RNF150: variants seen among roughly 807,000 people sequenced by gnomAD.
The protein encoded by RNF150 is ring finger protein 150.
A neutral mutation model predicts 39.3 loss-of-function variants in RNF150; 24 were observed. The ratio of observed to expected loss-of-function variants is 0.61; its 90% CI spans 0.44 to 0.86. RNF150 has a LOEUF of 0.86. Ranked by LOEUF, RNF150 falls within the 40% of genes least tolerant of loss-of-function variation. The pLI is 0.00. For missense variants in RNF150, 502 were observed against 587.8 expected, an observed-to-expected ratio of 0.85 and a Z score of 1.51; for synonymous variants, 255 against 227.3, an observed-to-expected ratio of 1.12 and a Z score of -1.10.
intron 5 of RNF150, among the ~76,000 whole-genome samples, chr4:140,921,227 T>G (rs1731123958): frequency 1.3e-5 from 2 of 151,364 alleles, no homozygotes; most frequent in African/African-American, 4.9e-5. Flanking sequence ...CTAGCAAGAC[T>G]AATAAAGAAG....
chr4:141,120,306 C>T (rs967475214), intron 1 of RNF150, among the ~76,000 whole-genome samples: 1 of 151,958 alleles, frequency 6.6e-6, no homozygotes, highest in African/African-American at 2.4e-5. Context: ...GGGTAAAGGG[C>T]GATGATGACA....
chr4:140,995,501 C>T (rs954533990), intron 1 of RNF150, among the ~76,000 whole-genome samples: 1 of 152,156 alleles, frequency 6.6e-6, no homozygotes, highest in African/African-American at 2.4e-5. Flanking sequence ...TAGAAAGCGG[C>T]AGTAAATTCT....
intron 1 of RNF150, among the ~76,000 whole-genome samples, chr4:140,968,949 C>A (rs1032097862): frequency 6.6e-6 from 1 of 151,916 alleles, no homozygotes; most frequent in African/African-American, 2.4e-5. Flanking sequence ...GGCACAGAGG[C>A]CTCGCATCCA....
At chr4:141,085,353 GAT>G (rs1738322742) in intron 1 of RNF150, among the ~76,000 whole-genome samples, 2 of 152,186 alleles carry the variant, frequency 1.3e-5, no homozygotes, top group Non-Finnish European at 2.9e-5. Flanking sequence ...TTCAAGATGA[GAT>G]TTGGGTGGGG....
intron 1 of RNF150, among the ~76,000 whole-genome samples, chr4:141,202,243 G>C (rs1728302476): frequency 6.6e-6 from 1 of 152,070 alleles, no homozygotes; most frequent in South Asian, 2.1e-4. Flanking sequence ...AATGTTCCCT[G>C]TCTGGCTCAT....
rs529191961 is a variant in RNF150 at position 140,916,414 on chromosome 4, C to G, written c.988-5060G>C. On this transcript the variant is annotated intron_variant, in intron 5 of 6. Coordinates refer to ENST00000515673, the MANE Select transcript of RNF150 (RefSeq NM_020724.2). ...GTGACGAATGCACAAGCCTCAGTAA[C>G]CGATGTGATCAACTGGAAGAAAGGG... Among the ~76,000 whole-genome samples, 23 of 152,258 alleles carry G rather than the reference C, an allele frequency of 1.5e-4. No individual in the cohort carries two copies. The South Asian group carries it at 4.8e-3, about 32-fold the overall frequency.
intron 2 of RNF150, among the ~76,000 whole-genome samples, chr4:140,953,969 C>T (rs564036222): frequency 1.3e-5 from 2 of 152,236 alleles, no homozygotes; most frequent in East Asian, 3.9e-4. Context: ...GTCTTGTACC[C>T]AACCTGAATA....
chr4:141,045,589 G>C (rs536091878), intron 1 of RNF150, among the ~76,000 whole-genome samples: 2 of 151,956 alleles, frequency 1.3e-5, no homozygotes, highest in East Asian at 3.9e-4. Context: ...TGTTGCCCAG[G>C]CTGGAATGCA....
rs905014511 is a variant in RNF150, at chr4:141,008,397, C to A, written c.485-40524G>T. 2.6e-5 allele frequency among the ~76,000 whole-genome samples: 4 copies of A among 152,174 alleles called. No homozygotes were observed. The East Asian group carries it at 7.7e-4, about 29-fold the overall frequency. ...TGTCTTTTCACTCTCTTAATGGAGT[C>A]TTTGAATGAACATTTTCAATTTAAT... is the stretch of plus-strand genomic sequence containing the variant. On this transcript the variant is annotated intron_variant, in intron 1 of 6. Coordinates refer to ENST00000515673, the MANE Select transcript of RNF150 (RefSeq NM_020724.2).
chr4:141,016,486 C>T (rs1279228956), intron 1 of RNF150, among the ~76,000 whole-genome samples: 1 of 152,224 alleles, frequency 6.6e-6, no homozygotes, highest in Non-Finnish European at 1.5e-5. Flanking sequence ...AGCTGCTGCT[C>T]TCAGCACACT....
At position 141,063,090 on chromosome 4, in the gene RNF150, T is replaced by G. The variant is rs568938976; in HGVS notation, c.484+69235A>C. ...CTATGCATTGTTTAGATAGATGAGA[T>G]TCTACTTTGTAGACGATTTTGTATT... is the stretch of plus-strand genomic sequence containing the variant. On this transcript the variant is annotated intron_variant, in intron 1 of 6. Transcript: ENST00000515673. 2.0e-5 allele frequency among the ~76,000 whole-genome samples: 3 copies of G among 152,368 alleles called. 1 individual carries two copies. The South Asian group carries it at 6.2e-4, about 32-fold the overall frequency.
intron 1 of RNF150, among the ~76,000 whole-genome samples, chr4:141,168,840 T>G (rs1357468808): frequency 6.6e-6 from 1 of 152,148 alleles, no homozygotes; most frequent in African/African-American, 2.4e-5. Context: ...AAATACCTAA[T>G]GTAGATGATG....
At chr4:141,044,960 A>G (rs1420987445) in intron 1 of RNF150, among the ~76,000 whole-genome samples, 1 of 152,206 alleles carries the variant, frequency 6.6e-6, no homozygotes, top group African/African-American at 2.4e-5. Context: ...AGTATTTACC[A>G]TGTGCCAAGG....
At position 140,860,114 on chromosome 4, in the gene RNF150, C is replaced by G. The variant is rs967677608; in HGVS notation, c.*8147G>C. ...AAAGTCTGTGTCTCCTAATAGAAGA[C>G]AAATTCCTTTAAAGACAGTTACTTT... On this transcript the variant is annotated 3_prime_UTR_variant, in exon 7 of 7. Transcript: ENST00000515673. 3.4e-5 allele frequency: 5 copies of G among 147,728 alleles called. No individual in the cohort carries two copies. The highest frequency in any genetic ancestry group is 7.5e-5 in the African/African-American group (3 of 39,980). 9.2% of individuals were successfully genotyped at this position (147,728 alleles called of 1,614,324 possible).
chr4:140,949,600 A>G (rs1732463312), intron 2 of RNF150, among the ~76,000 whole-genome samples: 2 of 152,084 alleles, frequency 1.3e-5, no homozygotes, highest in South Asian at 4.1e-4. Flanking sequence ...TCATGCCTAG[A>G]GTTAAGCAAG....
At chr4:140,909,679 C>T (rs717818) in intron 6 of RNF150, among the ~76,000 whole-genome samples, 58,228 of 151,832 alleles carry the variant, frequency 0.38, 11,728 homozygotes, top group East Asian at 0.64. Context: ...AAATTACATG[C>T]ATGACTTGCA....
intron 1 of RNF150, among the ~76,000 whole-genome samples, chr4:141,184,867 C>CTGTGTGTGTG (rs61134992): frequency 0.01 from 1,486 of 148,080 alleles, 25 homozygotes; most frequent in Middle Eastern, 0.052. Flanking sequence ...GTCTATATAT[C>CTGTGTGTGTG]TGTGTGTGTG....
At chr4:141,169,766 CT>C (rs536415614) in intron 1 of RNF150, among the ~76,000 whole-genome samples, 34 of 148,082 alleles carry the variant, frequency 2.3e-4, no homozygotes, top group South Asian at 4.3e-4. Context: ...ATTTGCCATT[CT>C]TTTTTTTTTA....
chr4:141,035,003 C>T (rs2110838233), intron 1 of RNF150, among the ~76,000 whole-genome samples: 1 of 152,290 alleles, frequency 6.6e-6, no homozygotes, highest in East Asian at 1.9e-4. Flanking sequence ...AAGGTTGCCA[C>T]AAACTTTCAA....
Sources: allele counts gnomAD v4.1 joint callset (sites outside exome capture counted in the v4.1 genomes callset), GRCh38; gene constraint gnomAD v4.1.1; transcripts MANE v1.5; gene names NCBI Gene and HGNC (gene_info 2026-07-23, HGNC 2026-07-21).